The following NKAIN3 variants were observed in gnomAD, a reference collection of about 807,000 sequenced individuals.
NKAIN3 encodes the protein sodium/potassium-transporting ATPase subunit beta-1-interacting protein 3.
NKAIN3 carries 25 observed loss-of-function variants against 30.2 expected under a neutral mutation model. That is an observed-to-expected ratio of 0.83 (90% CI 0.60 to 1.16). The LOEUF is 1.16. NKAIN3 is among the 50% of genes most tolerant of loss of function. NKAIN3 has a pLI of 0.00. For synonymous variants in NKAIN3, 91 were observed against 89.6 expected, an observed-to-expected ratio of 1.02 and a Z score of -0.09; for missense variants, 225 against 254.1, an observed-to-expected ratio of 0.89 and a Z score of 0.78.
chr8:62,518,859 T>C (rs113077718), intron 1 of NKAIN3, among the ~76,000 whole-genome samples: 606 of 152,148 alleles, frequency 4.0e-3, no homozygotes, highest in African/African-American at 0.013. Flanking sequence ...AGATTTCTGC[T>C]AACTAGCTTC....
In NKAIN3 at chr8:62,977,277, CT is replaced by C. The variant is rs1296843016; in HGVS notation, c.*11871del. ...TGGGGAAGTTCTCCTGGATTATATC[CT>C]AAATTGTGCTTTCCAACTTGATTCC... On this transcript the variant is annotated 3_prime_UTR_variant, in exon 7 of 7. Transcript: ENST00000623646. Among the ~76,000 whole-genome samples, 1 of 152,140 alleles carries C rather than the reference CT, an allele frequency of 6.6e-6. No homozygotes were observed. Among genetic ancestry groups the C allele is most frequent in the Admixed American group, 6.5e-5 (1 of 15,292 alleles).
chr8:62,916,854 T>C (rs1822120530), intron 4 of NKAIN3, among the ~76,000 whole-genome samples: 1 of 152,182 alleles, frequency 6.6e-6, no homozygotes, highest in African/African-American at 2.4e-5. Context: ...CATTGTAATC[T>C]GGCAGGGATA....
chr8:62,608,468 A>G (rs992772692), intron 3 of NKAIN3, among the ~76,000 whole-genome samples: 2 of 152,208 alleles, frequency 1.3e-5, no homozygotes, highest in African/African-American at 2.4e-5. Flanking sequence ...TTAAAACTTT[A>G]TGTTGAAAAC....
At chr8:62,582,481 C>T (rs34160114) in intron 2 of NKAIN3, among the ~76,000 whole-genome samples, 14,045 of 152,038 alleles carry the variant, frequency 0.092, 686 homozygotes, top group Middle Eastern at 0.16. Flanking sequence ...TGCCTGTAGC[C>T]GGGCAATGGG....
At chr8:62,642,476 C>A (rs777707882) in intron 3 of NKAIN3, among the ~76,000 whole-genome samples, 11 of 152,096 alleles carry the variant, frequency 7.2e-5, no homozygotes, top group Non-Finnish European at 1.0e-4. Context: ...GTGCTGACCT[C>A]TGACTGCCAG....
intron 1 of NKAIN3, among the ~76,000 whole-genome samples, chr8:62,279,968 A>G (rs1230167278): frequency 2.0e-5 from 3 of 152,154 alleles, no homozygotes; most frequent in African/African-American, 7.2e-5. Context: ...CTTGGGCAGT[A>G]TGGCCATTTT....
At chr8:62,717,760 A>C (rs891875717) in intron 3 of NKAIN3, among the ~76,000 whole-genome samples, 13 of 152,218 alleles carry the variant, frequency 8.5e-5, no homozygotes, top group African/African-American at 3.1e-4. Flanking sequence ...TTCCCAAAAA[A>C]TCTTTGTGAT....
At chr8:62,529,566 A>G (rs886542512) in intron 1 of NKAIN3, among the ~76,000 whole-genome samples, 5 of 152,090 alleles carry the variant, frequency 3.3e-5, no homozygotes, top group African/African-American at 9.7e-5. Context: ...CCCTTCCACC[A>G]TATGAGCTTA....
chr8:62,603,766 T>A (rs1351366), intron 3 of NKAIN3, among the ~76,000 whole-genome samples: 68,860 of 151,844 alleles, frequency 0.45, 17,716 homozygotes, highest in Non-Finnish European at 0.58. Context: ...CCAGCTACCT[T>A]AGCATAGGAG....
chr8:62,754,583 T>A (rs1317177344), intron 4 of NKAIN3, among the ~76,000 whole-genome samples: 1 of 152,198 alleles, frequency 6.6e-6, no homozygotes, highest in Non-Finnish European at 1.5e-5. Flanking sequence ...AACAAACCTT[T>A]GGAGGTTGTC....
Position 62,977,747 on chromosome 8 carries a change from TC to T in NKAIN3, c.*12343del, listed in dbSNP as rs1193303324. On this transcript the variant is annotated 3_prime_UTR_variant, in exon 7 of 7. Coordinates refer to ENST00000623646, the MANE Select transcript of NKAIN3 (RefSeq NM_001304533.3). ...AAACACATTCTCCATTCAGTATTGT[TC>T]CCTTGCTGGTAAGGAGTTGTGATCC... The T allele has an allele frequency of 3.3e-5, 5 of 152,192 alleles. No homozygotes were observed. In the East Asian group the frequency reaches 7.8e-4, roughly 24 times the overall value. The allele number at this position is 152,192 out of a possible 1,614,324, so 9.4% of individuals were successfully genotyped here. A position where few individuals can be genotyped will look rare whatever the true frequency, so the allele number is the denominator to read the frequency against.
At chr8:62,954,628 T>C (rs1823372998) in intron 6 of NKAIN3, among the ~76,000 whole-genome samples, 1 of 152,162 alleles carries the variant, frequency 6.6e-6, no homozygotes, top group Non-Finnish European at 1.5e-5. Context: ...AATAAAATAC[T>C]AGGAAACATG....
In NKAIN3 at chr8:62,276,156, C is replaced by A. The variant is rs574980662; in HGVS notation, c.54+27029C>A. On this transcript the variant is annotated intron_variant, in intron 1 of 6. Transcript: ENST00000623646. Reference sequence around the variant, plus strand: ...TCTCAGCTCACTGCAACCTCCGCCTCCTGGGCTCACGCGATTCTCTTGCCT... The same window carrying A: ...TCTCAGCTCACTGCAACCTCCGCCTACTGGGCTCACGCGATTCTCTTGCCT... 2.0e-5 allele frequency among the ~76,000 whole-genome samples: 3 copies of A among 152,274 alleles called. No homozygotes were observed. The East Asian group carries it at 5.8e-4, about 29-fold the overall frequency.
At chr8:62,294,306 T>G (rs922673859) in intron 1 of NKAIN3, among the ~76,000 whole-genome samples, 9 of 152,266 alleles carry the variant, frequency 5.9e-5, no homozygotes, top group Non-Finnish European at 1.3e-4. Flanking sequence ...TCACTTACGC[T>G]GGGAGCTGCA....
rs1431287389 is a variant in NKAIN3 at position 62,762,646 on chromosome 8, G to GTAGA, written c.471+15519_471+15522dup. Among the ~76,000 whole-genome samples the GTAGA allele has an allele frequency of 3.9e-5, 6 of 152,282 alleles. No homozygotes were observed. The East Asian group carries it at 1.2e-3, about 29-fold the overall frequency. ...ACAGTAGACCACATGACAGAAGATG[G>GTAGA]TAGATTGGCTTTGGTGGTAGCAGCA... On this transcript the variant is annotated intron_variant, in intron 4 of 6. Transcript: ENST00000623646.
chr8:62,403,497 G>A (rs1429313538), intron 1 of NKAIN3, among the ~76,000 whole-genome samples: 1 of 152,178 alleles, frequency 6.6e-6, no homozygotes, highest in African/African-American at 2.4e-5. Context: ...AGGACTTGGA[G>A]CCCTTCATCT....
At chr8:62,757,584 C>T (rs1376503141) in intron 4 of NKAIN3, among the ~76,000 whole-genome samples, 1 of 152,174 alleles carries the variant, frequency 6.6e-6, no homozygotes, top group African/African-American at 2.4e-5. Flanking sequence ...AACTTAATTT[C>T]TCAGTGCCAT....
At chr8:62,485,243 A>T (rs1256385860) in intron 1 of NKAIN3, among the ~76,000 whole-genome samples, 1 of 152,122 alleles carries the variant, frequency 6.6e-6, no homozygotes, top group Non-Finnish European at 1.5e-5. Context: ...GGCAGTGAGA[A>T]TCCATGGGTC....
At chr8:62,752,527 C>A (rs1255363327) in intron 4 of NKAIN3, among the ~76,000 whole-genome samples, 1 of 152,134 alleles carries the variant, frequency 6.6e-6, no homozygotes, top group Non-Finnish European at 1.5e-5. Flanking sequence ...AATCTTGTTT[C>A]CCAGAATTCT....
Sources: gnomAD v4.1 joint callset for allele counts (sites outside exome capture counted in the v4.1 genomes callset) on GRCh38, gnomAD v4.1.1 for gene constraint, MANE v1.5 for transcripts, NCBI Gene and HGNC (gene_info 2026-07-23, HGNC 2026-07-21) for gene names.